The following FRMD3 variants were observed in gnomAD, a reference collection of about 807,000 sequenced individuals.
The protein encoded by FRMD3 is FERM domain containing 3.
A neutral mutation model predicts 70.2 loss-of-function variants in FRMD3; 33 were observed. That is an observed-to-expected ratio of 0.47 (90% confidence interval 0.36 to 0.63). FRMD3 has a LOEUF of 0.63. FRMD3 is among the 20% of genes least tolerant of loss of function. The pLI, the probability that FRMD3 is intolerant of heterozygous loss-of-function variation, is 0.00. For missense variants in FRMD3, 632 were observed against 711.4 expected (o/e 0.89, Z 1.27); for synonymous variants, 279 against 255.9 (o/e 1.09, Z -0.86).
chr9:83,380,750 T>C (rs564658147), intron 2 of FRMD3, among the ~76,000 whole-genome samples: 1 of 152,318 alleles, frequency 6.6e-6, no homozygotes, highest in South Asian at 2.1e-4. Flanking sequence ...GATTACAGAA[T>C]AAATTACGCA....
At chr9:83,258,200 G>GCTAC (rs1459721255) in intron 13 of FRMD3, among the ~76,000 whole-genome samples, 1 of 152,132 alleles carries the variant, frequency 6.6e-6, no homozygotes, top group Non-Finnish European at 1.5e-5. Context: ...CTACTCAGCA[G>GCTAC]CTACTGATAG....
At chr9:83,451,966 GAAGAACT>G (rs1313427218) in intron 1 of FRMD3, among the ~76,000 whole-genome samples, 1 of 152,146 alleles carries the variant, frequency 6.6e-6, no homozygotes, top group East Asian at 1.9e-4. Context: ...AGTTTAAGAG[GAAGAACT>G]AATTCCATTT....
chr9:83,438,085 A>T (rs1296027830), intron 1 of FRMD3, among the ~76,000 whole-genome samples: 5 of 152,166 alleles, frequency 3.3e-5, no homozygotes, highest in Non-Finnish European at 5.9e-5. Context: ...AAGGCTAAAA[A>T]TTTCTGCTAA....
chr9:83,247,414 A>ATAGTT lies in FRMD3; in HGVS notation c.*499_*503dup. The ATAGTT allele has an allele frequency of 1.0e-6, 1 of 981,066 alleles. No individual in the cohort carries two copies. Among genetic ancestry groups the ATAGTT allele is most frequent in the African/African-American group, 1.7e-5 (1 of 57,210 alleles). 60.8% of individuals were successfully genotyped at this position (981,066 alleles called of 1,614,324 possible). On this transcript the variant is annotated 3_prime_UTR_variant, in exon 14 of 14. Transcript: ENST00000304195. ...TTTTTTTTGCTAAAAATTTACCAAA[A>ATAGTT]TAGTTTGAACACATAAAAATATTTT... is the stretch of plus-strand genomic sequence containing the variant.
intron 1 of FRMD3, among the ~76,000 whole-genome samples, chr9:83,484,054 A>C (rs1828630858): frequency 6.6e-6 from 1 of 152,198 alleles, no homozygotes; most frequent in South Asian, 2.1e-4. Flanking sequence ...TTATGATAAA[A>C]ATTTCAGAGC....
intron 1 of FRMD3, among the ~76,000 whole-genome samples, chr9:83,519,272 C>T (rs1200088318): frequency 6.6e-6 from 1 of 152,012 alleles, no homozygotes; most frequent in Non-Finnish European, 1.5e-5. Context: ...CCAGAATCTA[C>T]AAGGAACTTA....
intron 3 of FRMD3, among the ~76,000 whole-genome samples, chr9:83,361,816 G>A (rs1329398932): frequency 6.6e-6 from 1 of 152,212 alleles, no homozygotes; most frequent in Non-Finnish European, 1.5e-5. Context: ...GAGGCACCAT[G>A]TGAAGATGGA....
intron 1 of FRMD3, among the ~76,000 whole-genome samples, chr9:83,527,349 A>G (rs1359060974): frequency 6.6e-6 from 1 of 152,166 alleles, no homozygotes; most frequent in Non-Finnish European, 1.5e-5. Flanking sequence ...ATACCCAGCA[A>G]CAGTGTCTAA....
intron 3 of FRMD3, among the ~76,000 whole-genome samples, chr9:83,362,039 T>C (rs1044368337): frequency 1.3e-5 from 2 of 152,222 alleles, no homozygotes; most frequent in Non-Finnish European, 2.9e-5. Flanking sequence ...TAATTTATTA[T>C]GGATGCCCAG....
chr9:83,494,763 A>G (rs968381452), intron 1 of FRMD3, among the ~76,000 whole-genome samples: 1 of 151,864 alleles, frequency 6.6e-6, no homozygotes, highest in Admixed American at 6.6e-5. Context: ...AAATGTTTTA[A>G]CTAGCTGGGC....
intron 6 of FRMD3, among the ~76,000 whole-genome samples, chr9:83,322,361 C>G (rs957981630): frequency 5.3e-5 from 8 of 152,038 alleles, no homozygotes; most frequent in African/African-American, 1.9e-4. Flanking sequence ...TGGGATCTCT[C>G]CCAGGCAAGC....
chr9:83,298,784 C>G lies in FRMD3; in HGVS notation c.1034G>C (p.Ser345Thr). ...AGGAGGCTCCCTCTGGATCTTGGAA[C>G]TGGCCTCCACCACCTCTTTGGCAAC... ...GKVAKEVVEASSKIQREPPEV... is the reference protein window; with the variant it reads ...GKVAKEVVEATSKIQREPPEV... The change falls in exon 12 of 14, where the codon AGT becomes ACT. Residue 345 changes from serine to threonine, a missense_variant. Physicochemically the swap from Ser to Thr is moderately conservative, Grantham distance 58. Coordinates refer to ENST00000304195, the MANE Select transcript of FRMD3 (RefSeq NM_174938.6). The G allele has an allele frequency of 6.2e-7, 1 of 1,614,240 alleles. No individual in the cohort carries two copies. The highest frequency in any genetic ancestry group is 8.5e-7 in the Non-Finnish European group (1 of 1,180,028).
chr9:83,304,208 A>G (rs1183988701), intron 10 of FRMD3, among the ~76,000 whole-genome samples: 1 of 152,170 alleles, frequency 6.6e-6, no homozygotes, highest in Non-Finnish European at 1.5e-5. Context: ...CTTGTGCACA[A>G]GTTTTAATGA....
intron 1 of FRMD3, among the ~76,000 whole-genome samples, chr9:83,532,035 T>C (rs4877788): frequency 0.62 from 94,947 of 152,036 alleles, 29,993 homozygotes; most frequent in Middle Eastern, 0.68. Flanking sequence ...CACAAAACAT[T>C]AAGATAACAG....
intron 1 of FRMD3, among the ~76,000 whole-genome samples, chr9:83,475,148 GA>G (rs1216432853): frequency 6.6e-6 from 1 of 151,312 alleles, no homozygotes; most frequent in Non-Finnish European, 1.5e-5. Flanking sequence ...GAACCAATAG[GA>G]AAAAAAAGCA....
At chr9:83,558,010 G>C in the FRMD3 span, among the ~76,000 whole-genome samples, 1 of 152,176 alleles carries the variant, frequency 6.6e-6, no homozygotes, top group Non-Finnish European at 1.5e-5. Flanking sequence ...TCTGGTTTCA[G>C]TTTTCAGTGA....
Position 83,314,343 on chromosome 9 carries a change from G to T in FRMD3, c.597-596C>A, listed in dbSNP as rs181415506. On this transcript the variant is annotated intron_variant, in intron 6 of 13. Transcript: ENST00000304195. ...TATAGATGACCGCGAAGCCCTTTCA[G>T]GGCTAACATCTAAAGAAAGACTATG... 2.2e-4 allele frequency among the ~76,000 whole-genome samples: 34 copies of T among 152,232 alleles called. No individual in the cohort carries two copies. In the East Asian group the frequency reaches 5.8e-3, roughly 26 times the overall value.
At chr9:83,450,910 T>C (rs760977723) in intron 1 of FRMD3, among the ~76,000 whole-genome samples, 8 of 152,082 alleles carry the variant, frequency 5.3e-5, no homozygotes, top group Non-Finnish European at 7.3e-5. Flanking sequence ...TCTGAATGGA[T>C]AAAATGTAGG....
chr9:83,323,502 C>T (rs766526808), intron 6 of FRMD3, among the ~76,000 whole-genome samples: 17 of 152,282 alleles, frequency 1.1e-4, no homozygotes, highest in Admixed American at 4.6e-4. Flanking sequence ...TGATTGATTT[C>T]GTGAGGGTTT....
Sources: allele counts gnomAD v4.1 joint callset (sites outside exome capture counted in the v4.1 genomes callset), GRCh38; gene constraint gnomAD v4.1.1; transcripts MANE v1.5; gene names NCBI Gene and HGNC (gene_info 2026-07-23, HGNC 2026-07-21).